The following ABR variants were observed in gnomAD, a reference collection of about 807,000 sequenced individuals.
The protein encoded by ABR is ABR activator of RhoGEF and GTPase.
In ABR, 35 loss-of-function variants were observed where a neutral mutation model predicts 107.2. That is an observed-to-expected ratio of 0.33 (90% CI 0.25 to 0.43). ABR has a LOEUF of 0.43. Ranked by LOEUF, ABR falls within the 20% of genes least tolerant of loss-of-function variation. ABR has a pLI of 1.00. For missense variants in ABR, 815 were observed against 1,115.2 expected (o/e 0.73, Z 3.83); for synonymous variants, 498 against 462.0 (o/e 1.08, Z -1.00).
intron 1 of ABR, among the ~76,000 whole-genome samples, chr17:1,171,813 C>T (rs1052053045): frequency 6.6e-6 from 1 of 152,170 alleles, no homozygotes; most frequent in African/African-American, 2.4e-5. Flanking sequence ...ACCTGTAATC[C>T]CAGCTACTCG....
At chr17:1,103,629 A>C (rs888083283) in intron 2 of ABR, among the ~76,000 whole-genome samples, 1 of 152,102 alleles carries the variant, frequency 6.6e-6, no homozygotes, top group Non-Finnish European at 1.5e-5. Context: ...CCTCCCCTCA[A>C]GACTTCCATT....
chr17:1,077,698 G>C (rs1214149439), intron 6 of ABR, among the ~76,000 whole-genome samples: 4 of 152,182 alleles, frequency 2.6e-5, no homozygotes, highest in African/African-American at 9.6e-5. Context: ...TCCCCCTCAA[G>C]TCAGCCTTCG....
At chr17:1,022,120 A>ACAAAAAAAAAAC (rs534389079) in intron 16 of ABR, among the ~76,000 whole-genome samples, 1 of 118,388 alleles carries the variant, frequency 8.4e-6, no homozygotes, top group African/African-American at 3.7e-5. Context: ...AAAAAAAAAA[A>ACAAAAAAAAAAC]AAAAACAGAA....
At chr17:1,132,490 C>T (rs865991963) in intron 1 of ABR, among the ~76,000 whole-genome samples, 8 of 151,694 alleles carry the variant, frequency 5.3e-5, no homozygotes, top group Middle Eastern at 6.8e-3. Flanking sequence ...GCGATTCTCC[C>T]GTCTCAGCCT....
intron 1 of ABR, among the ~76,000 whole-genome samples, chr17:1,132,545 ATTG>A (rs1317988605): frequency 3.3e-5 from 5 of 151,882 alleles, no homozygotes; most frequent in African/African-American, 1.2e-4. Flanking sequence ...TGCCTGGCTA[ATTG>A]TTGTATTTTT....
chr17:1,079,053 G>C, intron 6 of ABR: 1 of 1,437,928 alleles, frequency 7.0e-7, no homozygotes, highest in Non-Finnish European at 9.1e-7. Flanking sequence ...GGAAGGGGAA[G>C]GGGAGGAGGG....
At chr17:1,076,017 G>A (rs2151205897) in intron 6 of ABR, among the ~76,000 whole-genome samples, 1 of 152,308 alleles carries the variant, frequency 6.6e-6, no homozygotes, top group African/African-American at 2.4e-5. Flanking sequence ...ACTCCAGCCT[G>A]GGCGACACAG....
At chr17:1,023,119 A>AGAGCCACTGCCAGCCCCACGTCCACTC (rs1167753663) in intron 16 of ABR, among the ~76,000 whole-genome samples, 2 of 98,986 alleles carry the variant, frequency 2.0e-5, no homozygotes, top group South Asian at 6.6e-4. Flanking sequence ...CACGTCCACT[A>AGAGCCACTGCCAGCCCCACGTCCACTC]CAGCGCCTCT....
In ABR at chr17:1,179,751, T is replaced by C; in HGVS notation, c.-24A>G. 10 of 1,200,216 alleles carry C rather than the reference T, an allele frequency of 8.3e-6. No individual in the cohort carries two copies. Among genetic ancestry groups the C allele is most frequent in the Non-Finnish European group, 1.1e-5 (10 of 896,424 alleles). The allele number at this position is 1,200,216 out of a possible 1,614,324, so 74.3% of individuals were successfully genotyped here. On this transcript the variant is annotated 5_prime_UTR_variant, in exon 1 of 23. Transcript: ENST00000302538. The surrounding 1 kb of genome is among the most constrained non-coding windows in gnomAD (Gnocchi z 4.9). ...ATCCCGCGGCGGCGGCTCGGTCAGA[T>C]CCGAAACCCGACCCTCATCGCGCAA...
In ABR at chr17:1,044,291, C is replaced by T. The variant is rs1024019631; in HGVS notation, c.1791+5759G>A. Among the ~76,000 whole-genome samples, 41 of 152,176 alleles carry T rather than the reference C, an allele frequency of 2.7e-4. 1 individual carries two copies. The highest frequency in any genetic ancestry group is 8.7e-4 in the African/African-American group (36 of 41,432). On this transcript the variant is annotated intron_variant, in intron 16 of 22. Coordinates refer to ENST00000302538, the MANE Select transcript of ABR (RefSeq NM_021962.5). ...ACAAGCTCTGTGACCGCGGCTGCCT[C>T]GCTCACCCTTGCTGGTGTCCATTTC...
chr17:1,051,615 G>T lies in ABR; in HGVS notation c.1562-981C>A, dbSNP rs1421246739. Among the ~76,000 whole-genome samples the T allele has an allele frequency of 6.6e-6, 1 of 152,226 alleles. No homozygotes were observed. The highest frequency in any genetic ancestry group is 1.5e-5 in the Non-Finnish European group (1 of 68,034). The stretch of plus-strand genomic sequence containing the variant: ...CTCCCACCTCCAGGGAGATGCCGAG[G>T]TTGTTCCCAGGGTACCAGAGGTGGT... On this transcript the variant is annotated intron_variant, in intron 14 of 22. Coordinates refer to ENST00000302538, the MANE Select transcript of ABR (RefSeq NM_021962.5). This position sits in a 1 kb window ranked among gnomAD's most constrained non-coding sequence, Gnocchi z 4.3.
rs532917620 is a variant in ABR at position 1,084,981 on chromosome 17, T to C, written c.532-1354A>G. ...CCACGCCTGGCTAATCTTGTATTTTTAGTAGAGACGGCGTTTCTCCATATT... is the reference window on the plus strand; with the variant it reads ...CCACGCCTGGCTAATCTTGTATTTTCAGTAGAGACGGCGTTTCTCCATATT... On this transcript the variant is annotated intron_variant, in intron 4 of 22. Coordinates refer to ENST00000302538, the MANE Select transcript of ABR (RefSeq NM_021962.5). This position sits in a 1 kb window ranked among gnomAD's most constrained non-coding sequence, Gnocchi z 4.2. Among the ~76,000 whole-genome samples the C allele has an allele frequency of 7.9e-5, 12 of 151,820 alleles. No individual in the cohort carries two copies. In the East Asian group the frequency reaches 1.2e-3, roughly 15 times the overall value.
At chr17:1,124,751 G>T (rs1309516583) in intron 2 of ABR, among the ~76,000 whole-genome samples, 1 of 152,216 alleles carries the variant, frequency 6.6e-6, no homozygotes, top group Non-Finnish European at 1.5e-5. Flanking sequence ...CACCCACAGG[G>T]AGCACCAGGC....
intron 1 of ABR, among the ~76,000 whole-genome samples, chr17:1,166,488 G>A (rs34737675): frequency 0.09 from 13,630 of 152,228 alleles, 1,059 homozygotes; most frequent in East Asian, 0.35. Flanking sequence ...CAGTGTGGCC[G>A]GAGGCCCGGG....
At chr17:1,117,900 TC>T (rs2039105381) in intron 2 of ABR, among the ~76,000 whole-genome samples, 2 of 85,938 alleles carry the variant, frequency 2.3e-5, no homozygotes, top group Non-Finnish European at 4.7e-5. Flanking sequence ...GAGCCTGAGT[TC>T]CTCCCAGCGT....
intron 1 of ABR, among the ~76,000 whole-genome samples, chr17:1,160,953 C>T (rs192103201): frequency 7.2e-5 from 11 of 152,378 alleles, no homozygotes; most frequent in African/African-American, 2.4e-4. Context: ...GCCCCGCCAC[C>T]TGTACGAGTG....
At chr17:1,191,668 A>G (rs370811425), upstream of ABR, among the ~76,000 whole-genome samples, 5 of 152,110 alleles carry the variant, frequency 3.3e-5, no homozygotes, top group East Asian at 9.7e-4. Context: ...CATATTCAAT[A>G]GTGTCAGGGT....
rs560479743 is a variant in ABR, at chr17:1,078,410, G to A, written c.700+920C>T. ...CACCCTCTCGGCTGGCAACGCCGCCGTCCGGACCATCGCCACCCATCGCCA... is the reference window on the plus strand; with the variant it reads ...CACCCTCTCGGCTGGCAACGCCGCCATCCGGACCATCGCCACCCATCGCCA... On this transcript the variant is annotated intron_variant, in intron 6 of 22. Coordinates refer to ENST00000302538, the MANE Select transcript of ABR (RefSeq NM_021962.5). This position sits in a 1 kb window ranked among gnomAD's most constrained non-coding sequence, Gnocchi z 7.5. Among the ~76,000 whole-genome samples, 275 of 152,204 alleles carry A rather than the reference G, an allele frequency of 1.8e-3. No homozygotes were observed. Among genetic ancestry groups the A allele is most frequent in the African/African-American group, 6.1e-3 (254 of 41,538 alleles).
At chr17:1,175,890 G>C (rs905564464) in intron 1 of ABR, among the ~76,000 whole-genome samples, 1 of 152,154 alleles carries the variant, frequency 6.6e-6, no homozygotes, top group Non-Finnish European at 1.5e-5. Context: ...AGGAGATCGA[G>C]ACCATCCTGG....
Sources: allele counts gnomAD v4.1 joint callset (sites outside exome capture counted in the v4.1 genomes callset), GRCh38; gene constraint gnomAD v4.1.1; non-coding constraint Gnocchi (gnomAD v3.1); transcripts MANE v1.5; gene names NCBI Gene and HGNC (gene_info 2026-07-23, HGNC 2026-07-21).